The following EIF4ENIF1 variants were observed in gnomAD, a reference collection of about 807,000 sequenced individuals.
EIF4ENIF1 encodes eukaryotic translation initiation factor 4E transporter.
Under a neutral mutation model 110.5 loss-of-function variants are expected in EIF4ENIF1, and 23 were observed. The ratio of observed to expected loss-of-function variants is 0.21; its 90% confidence interval spans 0.15 to 0.29. The LOEUF (loss-of-function observed/expected upper bound fraction) is 0.29. Among genes scored for constraint, EIF4ENIF1 ranks in the 10% least tolerant of loss-of-function variants. The pLI, the probability that EIF4ENIF1 is intolerant of heterozygous loss-of-function variation, is 1.00. For synonymous variants in EIF4ENIF1, 440 were observed against 437.0 expected (o/e 1.01, Z -0.09); for missense variants, 1,031 against 1,221.1 (o/e 0.84, Z 2.32).
chr22:31,438,421 G>C (rs1476921576), downstream of EIF4ENIF1, among the ~76,000 whole-genome samples: 2 of 152,144 alleles, frequency 1.3e-5, no homozygotes, highest in Non-Finnish European at 2.9e-5. Flanking sequence ...TAATGCATGA[G>C]TCTTAAGGGA....
chr22:31,455,745 C>T, intron 8 of EIF4ENIF1, 107 bp downstream of exon 8: 1 of 1,439,642 alleles, frequency 6.9e-7, no homozygotes, highest in South Asian at 1.3e-5. Context: ...TTCAGTTGTC[C>T]AGAGACCCTT....
chr22:31,461,608 T>A (rs565618448), intron 6 of EIF4ENIF1: 5 of 152,202 alleles, frequency 3.3e-5, no homozygotes, highest in Non-Finnish European at 7.3e-5. Flanking sequence ...AATTTTTGTA[T>A]TTTCAATATA....
intron 11 of EIF4ENIF1, 135 bp downstream of exon 11, chr22:31,450,154 G>C (rs2050601123): frequency 1.4e-6 from 1 of 705,186 alleles, no homozygotes; most frequent in Admixed American, 2.4e-5. Context: ...AACTATGTCA[G>C]GCAACAATAT....
intron 2 of EIF4ENIF1, among the ~76,000 whole-genome samples, chr22:31,474,062 CTCT>C (rs1471129060): frequency 4.7e-5 from 7 of 148,516 alleles, no homozygotes; most frequent in Non-Finnish European, 1.0e-4. Flanking sequence ...CTAGTTTTTC[CTCT>C]TTTTTTTTTT....
Position 31,455,951 on chromosome 22 carries a change from C to A in EIF4ENIF1, c.1000G>T (p.Ala334Ser), listed in dbSNP as rs778616929. The change falls in exon 8 of 19, where the codon GCC becomes TCC. Residue 334 changes from alanine to serine, a missense_variant. By Grantham distance (99) the Ala-to-Ser change is moderately conservative. Coordinates refer to ENST00000330125, the MANE Select transcript of EIF4ENIF1 (RefSeq NM_019843.4). ...GAGAACCACCTACTGAACCGACTGG[C>A]AGAGACTGACCCTTCTCCCAAAACA... ...EDVLGEGSVSASRFSRWFSNP... is the reference protein window; with the variant it reads ...EDVLGEGSVSSSRFSRWFSNP... 6.2e-7 allele frequency: 1 copy of A among 1,614,174 alleles called. No individual in the cohort carries two copies. Among genetic ancestry groups the A allele is most frequent in the South Asian group, 1.1e-5 (1 of 91,084 alleles).
intron 9 of EIF4ENIF1, among the ~76,000 whole-genome samples, chr22:31,454,889 GGATT>G (rs2050769297): frequency 6.8e-6 from 1 of 146,742 alleles, no homozygotes; most frequent in African/African-American, 2.4e-5. Context: ...AACATTCACT[GGATT>G]ATTACAACCA....
intron 14 of EIF4ENIF1, 32 bp from the exon 15 acceptor site, chr22:31,444,722 C>T: frequency 6.2e-7 from 1 of 1,601,452 alleles, no homozygotes; most frequent in Non-Finnish European, 8.6e-7. Flanking sequence ...GCATGAACCC[C>T]AATCTGCTTA....
At chr22:31,490,484 T>C (rs550207863), upstream of EIF4ENIF1, among the ~76,000 whole-genome samples, 8 of 152,338 alleles carry the variant, frequency 5.3e-5, no homozygotes, top group Admixed American at 4.6e-4. Context: ...TACTGGTTGC[T>C]GCATTAAAAG....
chr22:31,444,735 T>C, intron 14 of EIF4ENIF1, 45 bp from the exon 15 acceptor site: 1 of 1,580,630 alleles, frequency 6.3e-7, no homozygotes, highest in Non-Finnish European at 8.7e-7. Flanking sequence ...TCTGCTTAAC[T>C]TCAAGTCTTA....
intron 2 of EIF4ENIF1, among the ~76,000 whole-genome samples, chr22:31,477,357 C>CAAAAAAAAA (rs749894840): frequency 2.1e-3 from 99 of 46,498 alleles, no homozygotes; most frequent in East Asian, 8.5e-3. Flanking sequence ...CCTCTGTCTC[C>CAAAAAAAAA]AAAAAAAAAA....
intron 4 of EIF4ENIF1, among the ~76,000 whole-genome samples, chr22:31,466,220 C>G (rs528657016): frequency 1.3e-5 from 2 of 152,332 alleles, no homozygotes; most frequent in African/African-American, 4.8e-5. Context: ...TAAGACCAGC[C>G]TGGCCAACAT....
At chr22:31,479,975 G>T (rs1056765840) in intron 2 of EIF4ENIF1, among the ~76,000 whole-genome samples, 5 of 152,106 alleles carry the variant, frequency 3.3e-5, no homozygotes. Flanking sequence ...GCCTCCTAAA[G>T]TGCTGGGATT....
Position 31,442,950 on chromosome 22 carries a change from G to A in EIF4ENIF1, c.2206+12C>T. The A allele has an allele frequency of 1.2e-6, 2 of 1,613,574 alleles. No homozygotes were observed. Among genetic ancestry groups the A allele is most frequent in the Non-Finnish European group, 1.7e-6 (2 of 1,179,772 alleles). ...ACTTTCTTGAGCAGTGCCCTTAACA[G>A]CTCTGCAGTACCTTCACTGGCCTTC... On this transcript the variant is annotated intron_variant, in intron 16 of 18. Coordinates refer to ENST00000330125, the MANE Select transcript of EIF4ENIF1 (RefSeq NM_019843.4).
intron 3 of EIF4ENIF1, among the ~76,000 whole-genome samples, chr22:31,471,502 G>C (rs1289645049): frequency 2.0e-5 from 3 of 152,112 alleles, no homozygotes; most frequent in Non-Finnish European, 2.9e-5. Flanking sequence ...TTTTAGTAGA[G>C]ATGGGGTTTC....
intron 2 of EIF4ENIF1, among the ~76,000 whole-genome samples, chr22:31,478,622 C>A (rs1368952994): frequency 1.3e-5 from 2 of 151,724 alleles, no homozygotes; most frequent in Non-Finnish European, 2.9e-5. Context: ...TCGAGACCAT[C>A]CTGGCTAACA....
At chr22:31,451,006 G>C (rs2050655798) in intron 10 of EIF4ENIF1, 1 of 152,630 alleles carries the variant, frequency 6.6e-6, no homozygotes, top group South Asian at 2.1e-4. Flanking sequence ...TCAGCCTCCT[G>C]AGTAGCTGGG....
At chr22:31,444,577 G>T in intron 15 of EIF4ENIF1, 29 bp downstream of exon 15, 1 of 1,606,138 alleles carries the variant, frequency 6.2e-7, no homozygotes, top group South Asian at 1.1e-5. Context: ...AAGCCTTAAA[G>T]TCCTTCACAG....
chr22:31,488,851 T>G, intron 1 of EIF4ENIF1, 106 bp from the exon 2 acceptor site: 2 of 1,339,248 alleles, frequency 1.5e-6, no homozygotes, highest in Non-Finnish European at 2.0e-6. Flanking sequence ...AAACAGCTAG[T>G]GTTAAAAACA....
At chr22:31,490,871 C>G (rs1003776902), upstream of EIF4ENIF1, among the ~76,000 whole-genome samples, 1 of 152,224 alleles carries the variant, frequency 6.6e-6, no homozygotes, top group African/African-American at 2.4e-5. Context: ...GTCTACATTT[C>G]TTCCAAGAGG....
Sources: allele counts gnomAD v4.1 joint callset (sites outside exome capture counted in the v4.1 genomes callset), GRCh38; gene constraint gnomAD v4.1.1; transcripts MANE v1.5; gene names NCBI Gene and HGNC (gene_info 2026-07-23, HGNC 2026-07-21).